The following PASD1 variants were observed in gnomAD, a reference collection of about 807,000 sequenced individuals.
The protein encoded by PASD1 is PAS domain containing repressor 1, also known as circadian clock protein PASD1.
PASD1 carries 13 observed loss-of-function variants against 58.8 expected under a neutral mutation model. The observed-to-expected ratio is 0.22, with a 90% CI of 0.14 to 0.35. PASD1 has a LOEUF of 0.35. PASD1 is among the 10% of genes least tolerant of loss of function. PASD1 has a pLI of 1.00. For synonymous variants in PASD1, 236 were observed against 216.7 expected (o/e 1.09, Z -0.78); for missense variants, 734 against 568.3 (o/e 1.29, Z -2.96).
intron 14 of PASD1, 192 bp downstream of exon 14, chrX:151,672,853 A>G: frequency 1.6e-6 from 1 of 639,535 alleles, no homozygotes. Context: ...TGGTGCATGG[A>G]TGAGCATCCA....
At chrX:151,597,502 TA>T (rs1182897153) in intron 1 of PASD1, among the ~76,000 whole-genome samples, 2 of 111,913 alleles carry the variant, frequency 1.8e-5, no homozygotes, top group Non-Finnish European at 3.8e-5. Context: ...ATGTTGTATT[TA>T]TAATATGCCC....
At chrX:151,570,227 G>T (rs1025656803) in intron 1 of PASD1, among the ~76,000 whole-genome samples, 1 of 111,180 alleles carries the variant, frequency 9.0e-6, no homozygotes, top group Admixed American at 9.6e-5. Flanking sequence ...AAATAAATTA[G>T]GAGAAACCTA....
intron 9 of PASD1, among the ~76,000 whole-genome samples, chrX:151,655,650 T>C (rs1469897987): frequency 8.9e-6 from 1 of 112,528 alleles, no homozygotes; most frequent in Non-Finnish European, 1.9e-5. Context: ...CATAAATGTC[T>C]TCTTTTGAGA....
chrX:151,648,966 A>T (rs777712718), intron 9 of PASD1, among the ~76,000 whole-genome samples: 1 of 111,984 alleles, frequency 8.9e-6, no homozygotes, highest in South Asian at 3.7e-4. Flanking sequence ...AGTACATTTC[A>T]TAATGGAAGT....
chrX:151,574,673 C>T (rs2012975301), intron 1 of PASD1, among the ~76,000 whole-genome samples: 1 of 112,239 alleles, frequency 8.9e-6, no homozygotes, highest in Admixed American at 9.4e-5. Context: ...TGGGACTACA[C>T]TATTTGGCTT....
At chrX:151,670,061 T>C (rs891725370) in intron 11 of PASD1, among the ~76,000 whole-genome samples, 1 of 112,080 alleles carries the variant, frequency 8.9e-6, no homozygotes, top group African/African-American at 3.2e-5. Flanking sequence ...CATTTGTTAT[T>C]TTCTTAATTT....
intron 7 of PASD1, among the ~76,000 whole-genome samples, chrX:151,623,271 AAG>A (rs1285392857): frequency 8.9e-6 from 1 of 112,154 alleles, no homozygotes; most frequent in Non-Finnish European, 1.9e-5. Flanking sequence ...ACACACTCGA[AAG>A]AGATGCACAA....
chrX:151,566,794 C>T (rs776661958), intron 1 of PASD1, among the ~76,000 whole-genome samples: 26 of 110,919 alleles, frequency 2.3e-4, no homozygotes, highest in African/African-American at 7.5e-4. Context: ...TGTCCGGACG[C>T]GGTGGCTCAT....
chrX:151,675,769 C>G (rs1434875669), intron 15 of PASD1, among the ~76,000 whole-genome samples: 3 of 112,422 alleles, frequency 2.7e-5, no homozygotes, highest in Non-Finnish European at 5.6e-5. Context: ...TGAGAAAGCC[C>G]AGGTCTGCTT....
chrX:151,659,345 T>C (rs1234543163), intron 9 of PASD1, among the ~76,000 whole-genome samples: 2 of 111,745 alleles, frequency 1.8e-5, no homozygotes, highest in African/African-American at 6.5e-5. Context: ...GGAGATGAGG[T>C]GACTACCATC....
chrX:151,665,627 T>C (rs1201337302), intron 11 of PASD1, among the ~76,000 whole-genome samples: 2 of 111,684 alleles, frequency 1.8e-5, no homozygotes, highest in Non-Finnish European at 3.8e-5. Flanking sequence ...GTGGAAGATA[T>C]GGTTCCAGAG....
chrX:151,638,364 A>G (rs2013957048), intron 8 of PASD1, among the ~76,000 whole-genome samples: 1 of 109,336 alleles, frequency 9.1e-6, no homozygotes, highest in Admixed American at 9.9e-5. Flanking sequence ...TGATGGATGC[A>G]GCAAACCAAC....
At chrX:151,590,483 T>C (rs1236141755) in intron 1 of PASD1, among the ~76,000 whole-genome samples, 1 of 112,043 alleles carries the variant, frequency 8.9e-6, no homozygotes, top group African/African-American at 3.2e-5. Flanking sequence ...AAGTAGTCCA[T>C]GGATGGTGGA....
chrX:151,664,133 G>T lies in PASD1; in HGVS notation c.856G>T (p.Asp286Tyr). The part of the protein sequence containing the change: ...MPESPALSLQ[D>Y]FRGEPEVNPL... ...TTCTTCCTCAGCCTTATCCTTGCAA[G>T]ACTTTCGAGGTGAGCCTGAGGTGAA... The change falls in exon 11 of 16, where the codon GAC (aspartate) becomes TAC (tyrosine). Residue 286 changes from aspartate to tyrosine, a missense_variant. Transcript: ENST00000370357. 3 of 1,210,857 alleles carry T rather than the reference G, an allele frequency of 2.5e-6. No homozygotes were observed. Among genetic ancestry groups the T allele is most frequent in the Non-Finnish European group, 3.4e-6 (3 of 895,400 alleles).
intron 11 of PASD1, among the ~76,000 whole-genome samples, chrX:151,668,447 T>G (rs1454197072): frequency 9.0e-6 from 1 of 110,606 alleles, no homozygotes; most frequent in Non-Finnish European, 1.9e-5. Context: ...TCAACAAAAT[T>G]GATAGACCGC....
In PASD1 at chrX:151,672,653, G is replaced by A; in HGVS notation, c.1908G>A (p.Glu636=). 2 of 1,211,445 alleles carry A rather than the reference G, an allele frequency of 1.7e-6. No individual in the cohort carries two copies. Among genetic ancestry groups the A allele is most frequent in the East Asian group, 3.0e-5 (1 of 33,825 alleles). The part of the protein sequence containing the change: ...QDENCGQQED[E]SQSFYPEAYQ... ...AAAACTGTGGGCAACAGGAAGATGAGAGTCAAAGGTAAGACATGCATGGAA... is the reference window on the plus strand; with the variant it reads ...AAAACTGTGGGCAACAGGAAGATGAAAGTCAAAGGTAAGACATGCATGGAA... Residue 636 remains glutamate, a synonymous_variant, in exon 14 of 16, where the codon GAG becomes GAA. Transcript: ENST00000370357.
intron 1 of PASD1, among the ~76,000 whole-genome samples, chrX:151,568,314 A>G (rs1377568989): frequency 9.0e-6 from 1 of 111,456 alleles, no homozygotes; most frequent in Non-Finnish European, 1.9e-5. Flanking sequence ...TTCTGATTCT[A>G]TTTCTAACAG....
intron 8 of PASD1, among the ~76,000 whole-genome samples, chrX:151,632,177 AC>A (rs1048175289): frequency 7.2e-5 from 8 of 110,713 alleles, no homozygotes; most frequent in Non-Finnish European, 1.5e-4. Flanking sequence ...GAAGTTAAAT[AC>A]TACTAGATTT....
At chrX:151,654,601 G>A (rs2014212441) in intron 9 of PASD1, among the ~76,000 whole-genome samples, 1 of 112,182 alleles carries the variant, frequency 8.9e-6, no homozygotes, top group African/African-American at 3.2e-5. Flanking sequence ...AAGAAGGAAT[G>A]ATGAACAATG....
Sources: allele counts gnomAD v4.1 joint callset (sites outside exome capture counted in the v4.1 genomes callset), GRCh38; gene constraint gnomAD v4.1.1; transcripts MANE v1.5; gene names NCBI Gene and HGNC (gene_info 2026-07-23, HGNC 2026-07-21).